SLC25A13: variants seen among roughly 807,000 people sequenced by gnomAD.
SLC25A13 encodes the protein solute carrier family 25 member 13.
In SLC25A13, 70 loss-of-function variants were observed where a neutral mutation model predicts 85.5. That is an observed-to-expected ratio of 0.82 (90% confidence interval 0.68 to 1.00). The LOEUF is 1.00. SLC25A13 is among the 50% of genes least tolerant of loss of function. SLC25A13 has a pLI of 0.00. For missense variants in SLC25A13, 765 were observed against 819.8 expected, an observed-to-expected ratio of 0.93 and a Z score of 0.82; for synonymous variants, 259 against 288.7, an observed-to-expected ratio of 0.90 and a Z score of 1.04.
intron 4 of SLC25A13, among the ~76,000 whole-genome samples, chr7:96,223,091 A>G (rs1488570587): frequency 1.3e-5 from 2 of 152,182 alleles, no homozygotes; most frequent in African/African-American, 4.8e-5. Context: ...TCCCCAGGAA[A>G]AAAAAAAAGC....
chr7:96,131,933 G>A (rs778381394), intron 14 of SLC25A13, 52 bp from the exon 15 acceptor site: 42 of 1,611,928 alleles, frequency 2.6e-5, no homozygotes, highest in Non-Finnish European at 3.5e-5. Context: ...TCCCATTGAG[G>A]AGATCAAGCT....
rs1326329321 is a variant in SLC25A13 at position 96,321,971 on chromosome 7, G to A, written c.-15C>T. On this transcript the variant is annotated 5_prime_UTR_variant, in exon 1 of 18. Coordinates refer to ENST00000265631, the MANE Select transcript of SLC25A13 (RefSeq NM_014251.3). ...GCGGCCGCCATGATTCGCCCCGGTT[G>A]CGGGCGACTGCGGGACCCACTGACT... is the stretch of plus-strand genomic sequence containing the variant. 1.3e-6 allele frequency: 2 copies of A among 1,538,796 alleles called. No individual in the cohort carries two copies. The highest frequency in any genetic ancestry group is 3.9e-5 in the Admixed American group (2 of 50,736).
chr7:96,202,617 G>C (rs1584449213), intron 5 of SLC25A13, among the ~76,000 whole-genome samples: 1 of 152,068 alleles, frequency 6.6e-6, no homozygotes, highest in South Asian at 2.1e-4. Context: ...GAAATTTCCT[G>C]GCGACATAAA....
rs1791478419 is a variant in SLC25A13, at chr7:96,121,087, C to T, written c.*104G>A. On this transcript the variant is annotated 3_prime_UTR_variant, in exon 18 of 18. Transcript: ENST00000265631. ...AAAAAAGCCTGGACTTGAATTTAAA[C>T]AAGAGATGGACGTAAAAGGGATGAA... 1 of 1,285,692 alleles carries T rather than the reference C, an allele frequency of 7.8e-7. No homozygotes were observed. Among genetic ancestry groups the T allele is most frequent in the Non-Finnish European group, 1.1e-6 (1 of 887,980 alleles). 79.6% of individuals were successfully genotyped at this position (1,285,692 alleles called of 1,614,324 possible). A position where few individuals can be genotyped will look rare whatever the true frequency, so the allele number is the denominator to read the frequency against.
At chr7:96,244,895 A>G (rs1797126959) in intron 3 of SLC25A13, among the ~76,000 whole-genome samples, 1 of 152,194 alleles carries the variant, frequency 6.6e-6, no homozygotes, top group African/African-American at 2.4e-5. Context: ...CTGTATCGTT[A>G]TCACAAATTT....
chr7:96,225,342 T>C (rs1796292558), intron 4 of SLC25A13, among the ~76,000 whole-genome samples: 1 of 152,024 alleles, frequency 6.6e-6, no homozygotes, highest in Admixed American at 6.5e-5. Context: ...CCTAGGAGTT[T>C]GAGATTAGTC....
chr7:96,238,392 T>C (rs910231674), intron 3 of SLC25A13, among the ~76,000 whole-genome samples: 7 of 100,660 alleles, frequency 7.0e-5, no homozygotes, highest in Non-Finnish European at 1.2e-4. Flanking sequence ...GACAACTAAT[T>C]TGTTTTTTTT....
At chr7:96,247,913 T>A (rs1797264058) in intron 3 of SLC25A13, among the ~76,000 whole-genome samples, 1 of 150,160 alleles carries the variant, frequency 6.7e-6, no homozygotes, top group Non-Finnish European at 1.5e-5. Flanking sequence ...ATATAGTTTA[T>A]ACAGGGTGTT....
chr7:96,196,983 T>C (rs1472567342), intron 5 of SLC25A13, among the ~76,000 whole-genome samples: 1 of 152,190 alleles, frequency 6.6e-6, no homozygotes, highest in Non-Finnish European at 1.5e-5. Flanking sequence ...GAATGCTTAC[T>C]GCAAGCCTAT....
chr7:96,173,091 G>A (rs1243712573), intron 11 of SLC25A13, among the ~76,000 whole-genome samples: 5 of 152,090 alleles, frequency 3.3e-5, no homozygotes, highest in South Asian at 2.1e-4. Flanking sequence ...TACTGATATC[G>A]TCACAATTGA....
chr7:96,298,751 TA>T (rs1242218369), intron 1 of SLC25A13, among the ~76,000 whole-genome samples: 2 of 152,174 alleles, frequency 1.3e-5, no homozygotes, highest in Non-Finnish European at 2.9e-5. Flanking sequence ...TTAATCTTTT[TA>T]AAAATCCTGA....
At chr7:96,276,971 G>C (rs1405033560) in intron 3 of SLC25A13, among the ~76,000 whole-genome samples, 1 of 152,050 alleles carries the variant, frequency 6.6e-6, no homozygotes, top group Non-Finnish European at 1.5e-5. Context: ...ATACGATAAA[G>C]CATTCTTTAA....
At chr7:96,234,449 G>T (rs1796669259) in intron 4 of SLC25A13, among the ~76,000 whole-genome samples, 1 of 152,170 alleles carries the variant, frequency 6.6e-6, no homozygotes, top group Non-Finnish European at 1.5e-5. Context: ...TGTGTAGGCA[G>T]ATTATTCACT....
At chr7:96,171,399 T>C in intron 12 of SLC25A13, 73 bp downstream of exon 12, 1 of 1,389,030 alleles carries the variant, frequency 7.2e-7, no homozygotes, top group Non-Finnish European at 1.0e-6. Context: ...TGCTGTTTCC[T>C]ATAAGAATAC....
At chr7:96,216,025 C>T (rs987999077) in intron 4 of SLC25A13, among the ~76,000 whole-genome samples, 1 of 151,814 alleles carries the variant, frequency 6.6e-6, no homozygotes, top group Non-Finnish European at 1.5e-5. Flanking sequence ...CATGGTGGCA[C>T]GTGCCTGTAA....
At chr7:96,168,843 C>T (rs1251179017) in intron 13 of SLC25A13, among the ~76,000 whole-genome samples, 1 of 152,144 alleles carries the variant, frequency 6.6e-6, no homozygotes, top group Non-Finnish European at 1.5e-5. Flanking sequence ...GATATACCTA[C>T]TCAAAAATTA....
intron 2 of SLC25A13, among the ~76,000 whole-genome samples, chr7:96,279,614 C>T (rs1033667102): frequency 2.0e-5 from 3 of 152,194 alleles, no homozygotes; most frequent in Non-Finnish European, 4.4e-5. Context: ...TGATCTCCAC[C>T]TGGCTCCACC....
chr7:96,321,903 C>T (rs1205397925), intron 1 of SLC25A13, 39 bp downstream of exon 1: 3 of 1,523,858 alleles, frequency 2.0e-6, no homozygotes, highest in African/African-American at 1.4e-5. Context: ...CAGGCTGATC[C>T]GGCAGGCGCG....
At chr7:96,234,383 C>G (rs561187022) in intron 4 of SLC25A13, among the ~76,000 whole-genome samples, 2 of 152,300 alleles carry the variant, frequency 1.3e-5, no homozygotes, top group African/African-American at 4.8e-5. Flanking sequence ...TGGCCGCAAA[C>G]TACTCCATGG....
Sources: gnomAD v4.1 joint callset for allele counts (sites outside exome capture counted in the v4.1 genomes callset) on GRCh38, gnomAD v4.1.1 for gene constraint, MANE v1.5 for transcripts, NCBI Gene and HGNC (gene_info 2026-07-23, HGNC 2026-07-21) for gene names.